The following TSGA10 variants were observed in gnomAD, a reference collection of about 807,000 sequenced individuals.
TSGA10 encodes testis-specific gene 10 protein.
TSGA10 carries 43 observed loss-of-function variants against 96.6 expected under a neutral mutation model. That is an observed-to-expected ratio of 0.44 (90% CI 0.35 to 0.57). TSGA10 has a LOEUF of 0.57. Ranked by LOEUF, TSGA10 falls within the 20% of genes least tolerant of loss-of-function variation. The pLI is 0.01. For missense variants in TSGA10, 703 were observed against 834.4 expected, an observed-to-expected ratio of 0.84 and a Z score of 1.94; for synonymous variants, 229 against 269.9, an observed-to-expected ratio of 0.85 and a Z score of 1.48.
intron 16 of TSGA10, among the ~76,000 whole-genome samples, chr2:99,053,196 T>C (rs994789585): frequency 1.3e-5 from 2 of 152,172 alleles, no homozygotes; most frequent in Non-Finnish European, 2.9e-5. Flanking sequence ...CCACCAATCC[T>C]CAAATTCTTC....
intron 20 of TSGA10, among the ~76,000 whole-genome samples, chr2:99,013,611 G>C (rs183414524): frequency 6.6e-6 from 1 of 151,776 alleles, no homozygotes; most frequent in African/African-American, 2.4e-5. Flanking sequence ...GATTACAGGC[G>C]TGAGCCACCG....
intron 17 of TSGA10, among the ~76,000 whole-genome samples, chr2:99,021,252 G>C (rs929932729): frequency 5.9e-5 from 9 of 151,800 alleles, no homozygotes; most frequent in Non-Finnish European, 8.8e-5. Flanking sequence ...TAGGTAGGTA[G>C]GGAAATTTTC....
intron 1 of TSGA10, among the ~76,000 whole-genome samples, chr2:99,139,635 TAATAAA>T (rs2093455478): frequency 1.3e-5 from 2 of 152,094 alleles, no homozygotes; most frequent in African/African-American, 4.8e-5. Flanking sequence ...GTATTTTATA[TAATAAA>T]AATAAGTGGA....
intron 10 of TSGA10, among the ~76,000 whole-genome samples, chr2:99,092,126 A>T (rs1173365421): frequency 2.6e-5 from 4 of 152,210 alleles, no homozygotes; most frequent in Admixed American, 2.0e-4. Flanking sequence ...CAACTCCAAA[A>T]GGAACCTTCA....
intron 7 of TSGA10, 100 bp from the exon 8 acceptor site, chr2:99,105,797 C>T: frequency 1.2e-6 from 1 of 825,848 alleles, no homozygotes; most frequent in South Asian, 2.4e-5. Flanking sequence ...CCTACATCAA[C>T]ATGCATGCAG....
At chr2:98,999,292 G>A (rs922928637) in intron 20 of TSGA10, among the ~76,000 whole-genome samples, 2 of 152,136 alleles carry the variant, frequency 1.3e-5, no homozygotes, top group South Asian at 4.1e-4. Flanking sequence ...ACTAATACAT[G>A]CAACAACCTG....
chr2:99,087,197 C>T (rs2088611119), intron 10 of TSGA10, among the ~76,000 whole-genome samples: 2 of 149,724 alleles, frequency 1.3e-5, no homozygotes, highest in South Asian at 4.2e-4. Context: ...GTGCAACACT[C>T]CGTCTCAAAA....
At chr2:99,084,726 G>C (rs143236966) in intron 10 of TSGA10, among the ~76,000 whole-genome samples, 2 of 152,134 alleles carry the variant, frequency 1.3e-5, no homozygotes, top group African/African-American at 4.8e-5. Flanking sequence ...ATATGAGGCA[G>C]AAAGTGATAG....
At chr2:99,149,185 A>G (rs1183594023) in intron 1 of TSGA10, among the ~76,000 whole-genome samples, 1 of 150,220 alleles carries the variant, frequency 6.7e-6, no homozygotes, top group African/African-American at 2.4e-5. Flanking sequence ...AAAAAAAAAA[A>G]TGGGTGAGGG....
chr2:99,102,938 GAATTT>G (rs1485965972), intron 10 of TSGA10, among the ~76,000 whole-genome samples: 1 of 152,058 alleles, frequency 6.6e-6, no homozygotes, highest in Non-Finnish European at 1.5e-5. Flanking sequence ...TACAGTTTTA[GAATTT>G]AATTTCCTGT....
chr2:99,036,233 T>C (rs549090795), intron 16 of TSGA10, among the ~76,000 whole-genome samples: 23 of 152,260 alleles, frequency 1.5e-4, no homozygotes, highest in African/African-American at 5.5e-4. Context: ...TTTGCTCCCA[T>C]TATAAGTTAT....
rs747430738 is a variant in TSGA10 at position 99,154,779 on chromosome 2, T to C, written c.-707A>G. 4 of 314,706 alleles carry C rather than the reference T, an allele frequency of 1.3e-5. No individual in the cohort carries two copies. The highest frequency in any genetic ancestry group is 2.5e-5 in the Non-Finnish European group (4 of 158,958). The allele number at this position is 314,706 out of a possible 1,614,324, so 19.5% of individuals were successfully genotyped here. A position where few individuals can be genotyped will look rare whatever the true frequency, so the allele number is the denominator to read the frequency against. ...GGCCTTATGACCTTCGGTACTTTTA[T>C]TCGAACGTAGCCTGCGTCCCTGCCT... On this transcript the variant is annotated 5_prime_UTR_variant, in exon 1 of 21. Transcript: ENST00000393483.
Position 99,081,331 on chromosome 2 carries a change from A to G in TSGA10, c.678T>C (p.Tyr226=), listed in dbSNP as rs763154149. 9 of 1,598,524 alleles carry G rather than the reference A, an allele frequency of 5.6e-6. No individual in the cohort carries two copies. Among genetic ancestry groups the G allele is most frequent in the Middle Eastern group, 1.7e-4 (1 of 6,002 alleles). Residue 226 remains tyrosine, a synonymous_variant, in exon 11 of 21, where the codon TAT becomes TAC. Coordinates refer to ENST00000393483, the MANE Select transcript of TSGA10 (RefSeq NM_025244.4). ...TTTTCTCCTGAGTAAGCTGTAGCTC[A>G]TATTTTTTCTTAGCAAGGTGTCGCT... is the stretch of plus-strand genomic sequence containing the variant. ...DTQRHLAKKK[Y]ELQLTQEKIM... is the part of the protein sequence containing the mutation.
chr2:99,087,454 C>T lies in TSGA10; in HGVS notation c.612-6057G>A, dbSNP rs533735461. On this transcript the variant is annotated intron_variant, in intron 10 of 20. Transcript: ENST00000393483. Reference sequence around the variant, plus strand: ...CCGGGAGGCGGAGGTTGCAGTGAGCCGAGATGGCACCACTGCACTCCAGCC... The same window carrying T: ...CCGGGAGGCGGAGGTTGCAGTGAGCTGAGATGGCACCACTGCACTCCAGCC... Among the ~76,000 whole-genome samples the T allele has an allele frequency of 5.3e-5, 8 of 152,134 alleles. No individual in the cohort carries two copies. The East Asian group carries it at 1.2e-3, about 22-fold the overall frequency.
chr2:99,032,574 C>A (rs2081238403), intron 17 of TSGA10, among the ~76,000 whole-genome samples: 1 of 152,078 alleles, frequency 6.6e-6, no homozygotes, highest in Admixed American at 6.5e-5. Context: ...AAAATGTGAA[C>A]ACAAAGAACA....
intron 1 of TSGA10, chr2:99,141,335 G>A (rs1277332901): frequency 3.4e-6 from 1 of 297,676 alleles, no homozygotes; most frequent in Middle Eastern, 1.2e-3. Flanking sequence ...CCGCCCTCAC[G>A]CTCTGTACCG....
At chr2:99,132,309 T>C (rs2093129879) in intron 1 of TSGA10, among the ~76,000 whole-genome samples, 1 of 152,072 alleles carries the variant, frequency 6.6e-6, no homozygotes, top group African/African-American at 2.4e-5. Flanking sequence ...CAGAACTTGT[T>C]ATTGGTCTAT....
intron 7 of TSGA10, 26 bp from the exon 8 acceptor site, chr2:99,105,723 T>A: frequency 6.4e-7 from 1 of 1,572,360 alleles, no homozygotes; most frequent in Non-Finnish European, 8.7e-7. Context: ...TAGACTTTGG[T>A]TGAACAAGCT....
In TSGA10 at chr2:99,071,893, A is replaced by T; in HGVS notation, c.939-19T>A. 1.3e-6 allele frequency: 2 copies of T among 1,593,556 alleles called. No individual in the cohort carries two copies. Among genetic ancestry groups the T allele is most frequent in the Non-Finnish European group, 1.7e-6 (2 of 1,170,120 alleles). ...ACACTGTCTATTCCACAAATCAAAG[A>T]GTACATAAGAAGAGACATTTTACTG... On this transcript the variant is annotated intron_variant, in intron 13 of 20. Coordinates refer to ENST00000393483, the MANE Select transcript of TSGA10 (RefSeq NM_025244.4).
Sources: allele counts gnomAD v4.1 joint callset (sites outside exome capture counted in the v4.1 genomes callset), GRCh38; gene constraint gnomAD v4.1.1; transcripts MANE v1.5; gene names NCBI Gene and HGNC (gene_info 2026-07-23, HGNC 2026-07-21).